COL5A2: variants seen among roughly 807,000 people sequenced by gnomAD.
COL5A2 encodes the protein collagen alpha-2(V) chain.
In COL5A2, 23 loss-of-function variants were observed where a neutral mutation model predicts 208.2. That is an observed-to-expected ratio of 0.11 (90% CI 0.08 to 0.16). The LOEUF (loss-of-function observed/expected upper bound fraction) is 0.16. COL5A2 is among the 10% of genes least tolerant of loss of function. The pLI is 1.00. For synonymous variants in COL5A2, 625 were observed against 628.5 expected, an observed-to-expected ratio of 0.99 and a Z score of 0.08; for missense variants, 1,590 against 1,956.4, an observed-to-expected ratio of 0.81 and a Z score of 3.53.
At chr2:189,252,539 A>T in the COL5A2 span, among the ~76,000 whole-genome samples, 1 of 151,882 alleles carries the variant, frequency 6.6e-6, no homozygotes, top group Admixed American at 6.6e-5. Flanking sequence ...CCATGTTCTC[A>T]CTCACAGGTG....
chr2:189,223,660 T>G (rs1308964160), intron 1 of COL5A2, among the ~76,000 whole-genome samples: 3 of 152,216 alleles, frequency 2.0e-5, no homozygotes, highest in Non-Finnish European at 2.9e-5. Flanking sequence ...CACACAATTA[T>G]GCAAAAATCT....
chr2:189,330,346 G>A, the COL5A2 span, among the ~76,000 whole-genome samples: 5 of 152,080 alleles, frequency 3.3e-5, no homozygotes, highest in Admixed American at 1.3e-4. Flanking sequence ...GATAGAGGTC[G>A]CCCCAACTCA....
chr2:189,221,342 GAAAGTT>G (rs1240714809), intron 1 of COL5A2, among the ~76,000 whole-genome samples: 3 of 152,112 alleles, frequency 2.0e-5, no homozygotes, highest in Non-Finnish European at 4.4e-5. Context: ...GAAGGTATAG[GAAAGTT>G]ATTCTAATTC....
chr2:189,050,261 G>T (rs774066488), intron 43 of COL5A2, among the ~76,000 whole-genome samples: 10 of 117,628 alleles, frequency 8.5e-5, no homozygotes, highest in South Asian at 8.4e-4. Context: ...TTCACCAGAA[G>T]ATTATCCCCC....
intron 1 of COL5A2, among the ~76,000 whole-genome samples, chr2:189,121,685 C>T (rs921477926): frequency 5.0e-5 from 6 of 121,024 alleles, no homozygotes; most frequent in African/African-American, 1.8e-4. Flanking sequence ...TGCAGTGAGC[C>T]GAAATTGCAC....
rs199880428 is a variant in COL5A2, at chr2:189,079,121, A to G, written c.961-14T>C. The G allele has an allele frequency of 2.4e-4, 383 of 1,605,234 alleles. No individual in the cohort carries two copies. The highest frequency in any genetic ancestry group is 3.0e-4 in the Non-Finnish European group (351 of 1,172,260). On this transcript the variant is annotated splice_polypyrimidine_tract_variant and intron_variant, in intron 14 of 53. Transcript: ENST00000374866. ...GCCAGCTTCACCCTAAAAAAAAATG[A>G]GAATACATTACAGTATGAGAAGCCT...
At chr2:189,396,086 AC>A in the COL5A2 span, among the ~76,000 whole-genome samples, 101 of 152,196 alleles carry the variant, frequency 6.6e-4, no homozygotes, top group South Asian at 9.1e-3. Context: ...TTTTTAGAAT[AC>A]AGGAAACTTC....
chr2:189,066,663 C>G, intron 22 of COL5A2, 66 bp downstream of exon 22: 1 of 1,388,028 alleles, frequency 7.2e-7, no homozygotes, highest in Non-Finnish European at 1.0e-6. Flanking sequence ...AACCCTTGAG[C>G]ATTTTGAGCT....
the COL5A2 span, among the ~76,000 whole-genome samples, chr2:189,232,672 T>C: frequency 6.6e-6 from 1 of 151,668 alleles, no homozygotes; most frequent in Non-Finnish European, 1.5e-5. Flanking sequence ...TATTTGGAGG[T>C]GTTTCCTTTG....
chr2:189,202,568 G>A (rs921994398), intron 1 of COL5A2, among the ~76,000 whole-genome samples: 4 of 152,074 alleles, frequency 2.6e-5, no homozygotes, highest in Admixed American at 2.6e-4. Context: ...GAATTCATGT[G>A]GTAGAAAATT....
chr2:189,267,954 T>C, the COL5A2 span, among the ~76,000 whole-genome samples: 1 of 152,196 alleles, frequency 6.6e-6, no homozygotes, highest in Non-Finnish European at 1.5e-5. Context: ...TTATACATTA[T>C]GATTCCTTCT....
the COL5A2 span, among the ~76,000 whole-genome samples, chr2:189,398,934 A>G: frequency 1.3e-5 from 2 of 152,162 alleles, no homozygotes; most frequent in African/African-American, 4.8e-5. Context: ...TTTAAGTCTA[A>G]TAGTATTTTT....
At chr2:189,116,680 G>C (rs1024197807) in intron 1 of COL5A2, among the ~76,000 whole-genome samples, 2 of 152,032 alleles carry the variant, frequency 1.3e-5, no homozygotes, top group Non-Finnish European at 2.9e-5. Flanking sequence ...AGTGAGCCCC[G>C]CAAGCTTAAA....
chr2:189,399,353 T>C, the COL5A2 span, among the ~76,000 whole-genome samples: 5,279 of 151,426 alleles, frequency 0.035, 108 homozygotes, highest in Admixed American at 0.05. Flanking sequence ...CAGGTTCAAA[T>C]GATTCTTCTG....
the COL5A2 span, among the ~76,000 whole-genome samples, chr2:189,329,433 T>C: frequency 5.9e-5 from 9 of 152,168 alleles, no homozygotes; most frequent in African/African-American, 2.2e-4. Flanking sequence ...TTAATAATAA[T>C]GTACTGTATA....
At chr2:189,409,792 T>C in the COL5A2 span, among the ~76,000 whole-genome samples, 1 of 152,200 alleles carries the variant, frequency 6.6e-6, no homozygotes, top group Non-Finnish European at 1.5e-5. Flanking sequence ...TGTTTATGTA[T>C]GAAATCACTC....
At chr2:189,384,649 C>G in the COL5A2 span, among the ~76,000 whole-genome samples, 2 of 152,098 alleles carry the variant, frequency 1.3e-5, no homozygotes, top group African/African-American at 4.8e-5. Flanking sequence ...GGTTATTAAT[C>G]TCTTTTCAGA....
At chr2:189,189,589 T>G (rs994204618) in intron 1 of COL5A2, among the ~76,000 whole-genome samples, 7 of 152,066 alleles carry the variant, frequency 4.6e-5, no homozygotes, top group Non-Finnish European at 1.0e-4. Flanking sequence ...GAGTTTGAAG[T>G]TGCAGTGAGC....
At chr2:189,117,707 C>T (rs1176548772) in intron 1 of COL5A2, among the ~76,000 whole-genome samples, 1 of 148,222 alleles carries the variant, frequency 6.7e-6, no homozygotes, top group East Asian at 2.0e-4. Context: ...ACAACCATAA[C>T]ACTCTCAATT....
Sources: gnomAD v4.1 joint callset for allele counts (sites outside exome capture counted in the v4.1 genomes callset) on GRCh38, gnomAD v4.1.1 for gene constraint, MANE v1.5 for transcripts, NCBI Gene and HGNC (gene_info 2026-07-23, HGNC 2026-07-21) for gene names.